CYRIA: variants seen among roughly 807,000 people sequenced by gnomAD.
The protein encoded by CYRIA is CYFIP-related Rac1 interactor A.
In CYRIA, 15 loss-of-function variants were observed where a neutral mutation model predicts 43.9. That is an observed-to-expected ratio of 0.34 (90% confidence interval 0.23 to 0.53). CYRIA has a LOEUF of 0.53. Among genes scored for constraint, CYRIA ranks in the 20% least tolerant of loss-of-function variants. CYRIA has a pLI of 0.94. For synonymous variants in CYRIA, 117 were observed against 136.0 expected (o/e 0.86, Z 0.97); for missense variants, 236 against 394.2 (o/e 0.60, Z 3.40).
chr2:16,557,328 T>C (rs960468572), intron 10 of CYRIA, among the ~76,000 whole-genome samples: 5 of 152,014 alleles, frequency 3.3e-5, no homozygotes, highest in African/African-American at 1.2e-4. Flanking sequence ...AGTTTCTCCC[T>C]CCCCCTAGGT....
chr2:16,619,319 G>A (rs1027473092), intron 2 of CYRIA, among the ~76,000 whole-genome samples: 10 of 151,848 alleles, frequency 6.6e-5, no homozygotes, highest in African/African-American at 1.7e-4. Context: ...ATACACACAC[G>A]TAGGTACATG....
intron 3 of CYRIA, among the ~76,000 whole-genome samples, chr2:16,573,028 A>G (rs1172370780): frequency 6.6e-6 from 1 of 152,102 alleles, no homozygotes; most frequent in African/African-American, 2.4e-5. Flanking sequence ...GCTATATTTC[A>G]TCCCTCCAGG....
chr2:16,607,165 C>T (rs867424769), intron 2 of CYRIA, among the ~76,000 whole-genome samples: 4 of 152,136 alleles, frequency 2.6e-5, no homozygotes, highest in South Asian at 4.1e-4. Flanking sequence ...ACGTACTCAT[C>T]ATTGCAAACA....
chr2:16,604,868 C>T (rs990002983), intron 2 of CYRIA, among the ~76,000 whole-genome samples: 1 of 152,120 alleles, frequency 6.6e-6, no homozygotes, highest in African/African-American at 2.4e-5. Flanking sequence ...ATCCAACAGA[C>T]GATTTCATTC....
At chr2:16,612,375 G>T (rs1389038102) in intron 2 of CYRIA, among the ~76,000 whole-genome samples, 1 of 151,760 alleles carries the variant, frequency 6.6e-6, no homozygotes, top group African/African-American at 2.4e-5. Flanking sequence ...AAAGAGAAAA[G>T]GAGGAAAAAA....
intron 10 of CYRIA, among the ~76,000 whole-genome samples, chr2:16,559,154 G>C (rs1666637673): frequency 6.6e-6 from 1 of 152,118 alleles, no homozygotes; most frequent in Non-Finnish European, 1.5e-5. Context: ...CCATCTATTT[G>C]TACAGCACAC....
At chr2:16,573,565 C>T (rs937107468) in intron 3 of CYRIA, among the ~76,000 whole-genome samples, 5 of 152,202 alleles carry the variant, frequency 3.3e-5, no homozygotes, top group African/African-American at 1.2e-4. Context: ...TGTCCCCACC[C>T]AAATCTCATT....
chr2:16,589,643 T>C (rs1214552226), intron 2 of CYRIA, among the ~76,000 whole-genome samples: 5 of 152,092 alleles, frequency 3.3e-5, no homozygotes, highest in Admixed American at 6.6e-5. Flanking sequence ...ATTAATCAGA[T>C]AAAAGTATAA....
intron 1 of CYRIA, among the ~76,000 whole-genome samples, chr2:16,655,129 G>A (rs976233037): frequency 3.3e-5 from 5 of 152,144 alleles, no homozygotes; most frequent in South Asian, 2.1e-4. Flanking sequence ...ATCCACACCC[G>A]TACAAGCTCA....
intron 1 of CYRIA, among the ~76,000 whole-genome samples, chr2:16,631,085 G>T (rs1034388234): frequency 1.3e-5 from 2 of 152,112 alleles, no homozygotes; most frequent in African/African-American, 4.8e-5. Context: ...AGTCACTACT[G>T]TCAGATCCTC....
intron 3 of CYRIA, among the ~76,000 whole-genome samples, chr2:16,582,310 A>G (rs760816443): frequency 2.0e-5 from 3 of 152,232 alleles, no homozygotes; most frequent in Non-Finnish European, 2.9e-5. Context: ...GGATCTTCCA[A>G]AAGAATCCTT....
At chr2:16,646,771 A>C (rs1669832120) in intron 1 of CYRIA, among the ~76,000 whole-genome samples, 1 of 152,190 alleles carries the variant, frequency 6.6e-6, no homozygotes, top group African/African-American at 2.4e-5. Flanking sequence ...TTTAATATGG[A>C]TGGGCCTCAA....
At chr2:16,582,583 T>A (rs1441795209) in intron 3 of CYRIA, among the ~76,000 whole-genome samples, 2 of 152,228 alleles carry the variant, frequency 1.3e-5, no homozygotes, top group Non-Finnish European at 2.9e-5. Context: ...ATTTGCCTAT[T>A]CTAGACATTT....
intron 1 of CYRIA, among the ~76,000 whole-genome samples, chr2:16,640,160 A>T (rs1669630434): frequency 6.6e-6 from 1 of 152,168 alleles, no homozygotes; most frequent in Non-Finnish European, 1.5e-5. Context: ...AAGGGGGAAA[A>T]ATCCACACTT....
chr2:16,641,064 G>A (rs1013668762), intron 1 of CYRIA, among the ~76,000 whole-genome samples: 1 of 151,966 alleles, frequency 6.6e-6, no homozygotes, highest in Non-Finnish European at 1.5e-5. Context: ...CCTCACATCC[G>A]CCCCCTCCTC....
chr2:16,644,532 T>A (rs1052027437), intron 1 of CYRIA, among the ~76,000 whole-genome samples: 8 of 152,214 alleles, frequency 5.3e-5, no homozygotes, highest in Admixed American at 5.2e-4. Context: ...TCTGTCACAC[T>A]GTTGCTGGGG....
chr2:16,556,710 C>A (rs1055884730), intron 10 of CYRIA, among the ~76,000 whole-genome samples: 15 of 151,946 alleles, frequency 9.9e-5, no homozygotes, highest in Non-Finnish European at 1.9e-4. Flanking sequence ...CAGAAGGAAG[C>A]AAGAACAGAG....
In CYRIA at chr2:16,555,134, T is replaced by C. The variant is rs1472834232; in HGVS notation, c.843A>G (p.Lys281=). 2.5e-6 allele frequency: 4 copies of C among 1,612,362 alleles called. No individual in the cohort carries two copies. The African/African-American group carries it at 5.3e-5, about 22-fold the overall frequency. ...GCTCCTTCAAAACTTTTATGCAGCC[T>C]TTCATCTAGGAGGAGAAAGCACAAT... ...AFCKTSKIDM[K]GCIKVLKEQA... Residue 281 remains lysine, a synonymous_variant, in exon 11 of 12, where the codon AAA becomes AAG. Coordinates refer to ENST00000381323, the MANE Select transcript of CYRIA (RefSeq NM_030797.4).
At chr2:16,603,419 A>G (rs183140009) in intron 2 of CYRIA, among the ~76,000 whole-genome samples, 13 of 152,298 alleles carry the variant, frequency 8.5e-5, no homozygotes, top group Non-Finnish European at 1.5e-4. Flanking sequence ...GCATCTCACC[A>G]GTGACAGATC....
Sources: allele counts gnomAD v4.1 joint callset (sites outside exome capture counted in the v4.1 genomes callset), GRCh38; gene constraint gnomAD v4.1.1; transcripts MANE v1.5; gene names NCBI Gene and HGNC (gene_info 2026-07-23, HGNC 2026-07-21).